The following LONP1 variants were observed in gnomAD, a reference collection of about 807,000 sequenced individuals.
The protein encoded by LONP1 is lon peptidase 1, mitochondrial, also known as lon protease homolog, mitochondrial.
Under a neutral mutation model 98.5 loss-of-function variants are expected in LONP1, and 31 were observed. That is an observed-to-expected ratio of 0.31 (90% CI 0.24 to 0.42). The LOEUF (loss-of-function observed/expected upper bound fraction) is 0.42. LONP1 is among the 20% of genes least tolerant of loss of function. LONP1 has a pLI of 1.00. For missense variants in LONP1, 1,336 were observed against 1,350.6 expected (o/e 0.99, Z 0.17); for synonymous variants, 781 against 594.7 (o/e 1.31, Z -4.56).
At position 5,694,598 on chromosome 19, in the gene LONP1, A is replaced by T. The variant is rs775199360; in HGVS notation, c.2155-46T>A. On this transcript the variant is annotated intron_variant, in intron 14 of 17. Transcript: ENST00000360614. ...AATGGGCACGGGAAGGTGGGGTGAC[A>T]GGTGCGGGGTGGTGGGGTGACGGGC... is the stretch of plus-strand genomic sequence containing the variant. The T allele has an allele frequency of 1.0e-5, 15 of 1,471,242 alleles. No homozygotes were observed. In the East Asian group the frequency reaches 3.5e-4, roughly 35 times the overall value. The allele number at this position is 1,471,242 out of a possible 1,614,324, so 91.1% of individuals were successfully genotyped here.
At chr19:5,712,383 CTCCT>C (rs1383002117) in intron 3 of LONP1, 1 of 207,354 alleles carries the variant, frequency 4.8e-6, no homozygotes, top group Non-Finnish European at 9.7e-6. Flanking sequence ...CTCATAGCAG[CTCCT>C]TCCTGTTGTT....
At chr19:5,719,383 G>A (rs949230548) in intron 1 of LONP1, among the ~76,000 whole-genome samples, 16 of 152,208 alleles carry the variant, frequency 1.1e-4, no homozygotes, top group African/African-American at 3.4e-4. Flanking sequence ...TGCCAAGTAA[G>A]GAGAAAACTA....
chr19:5,712,756 C>T (rs1021011103), intron 3 of LONP1, among the ~76,000 whole-genome samples: 4 of 152,036 alleles, frequency 2.6e-5, no homozygotes, highest in East Asian at 1.9e-4. Flanking sequence ...CAGCCTCTTG[C>T]GTAGCTGTGA....
chr19:5,719,757 G>A lies in LONP1; in HGVS notation c.376C>T (p.Leu126Phe), dbSNP rs1464364973. ...TIPDVFPHLPLIAITRNPVFP... is the reference protein window; with the variant it reads ...TIPDVFPHLPFIAITRNPVFP... ...ACCGGGTTGCGGGTGATGGCGATGA[G>A]CGGCAGGTGCGGAAACACATCGGGG... The change falls in exon 1 of 18, where the codon CTC becomes TTC. Residue 126 changes from leucine to phenylalanine, a missense_variant. Coordinates refer to ENST00000360614, the MANE Select transcript of LONP1 (RefSeq NM_004793.4). The A allele has an allele frequency of 1.2e-6, 2 of 1,613,696 alleles. No homozygotes were observed. Among genetic ancestry groups the A allele is most frequent in the East Asian group, 2.2e-5 (1 of 44,874 alleles).
chr19:5,692,903 T>G (rs2054854872), intron 17 of LONP1, among the ~76,000 whole-genome samples: 1 of 150,718 alleles, frequency 6.6e-6, no homozygotes. Context: ...GAGGGAAGAG[T>G]GGGGACAGTG....
At chr19:5,693,498 G>A (rs2054868854) in intron 16 of LONP1, 36 bp from the exon 17 acceptor site, 3 of 1,611,818 alleles carry the variant, frequency 1.9e-6, no homozygotes, top group Non-Finnish European at 1.7e-6. Flanking sequence ...GTGAGCAGGT[G>A]GCCAGCAGCC....
chr19:5,713,224 T>C lies in LONP1; in HGVS notation c.548A>G (p.Asp183Gly). The change falls in exon 3 of 18, where the codon GAT becomes GGT. Residue 183 changes from aspartate (D) to glycine (G), a missense_variant. Asp to Gly is a moderately conservative substitution (Grantham distance 94). Around this residue, in one of 5 missense-constraint regions of LONP1, gnomAD observed 457 missense variants for 403.1 expected, o/e 1.13. Transcript: ENST00000360614. ...AAACGTCCCCGTGTGGTAGATTTCA[T>C]CCAGGCTCTCGACCACATCCGACTC... ...SNESDVVESL[D>G]EIYHTGTFAQ... 6.2e-7 allele frequency: 1 copy of C among 1,614,144 alleles called. No homozygotes were observed. The highest frequency in any genetic ancestry group is 8.5e-7 in the Non-Finnish European group (1 of 1,180,018).
intron 10 of LONP1, among the ~76,000 whole-genome samples, chr19:5,698,488 C>T (rs2054982572): frequency 6.6e-6 from 1 of 152,196 alleles, no homozygotes; most frequent in Admixed American, 6.5e-5. Flanking sequence ...GGGCGCTGAA[C>T]TCTGAGGGCC....
chr19:5,713,250 A>C lies in LONP1; in HGVS notation c.522T>G (p.Asn174Lys), dbSNP rs1478601611. Residue 174 changes from asparagine (N) to lysine (K), a missense_variant, in exon 3 of 18, where the codon AAT becomes AAG. Around this residue, in one of 5 missense-constraint regions of LONP1, gnomAD observed 457 missense variants for 403.1 expected, o/e 1.13. Transcript: ENST00000360614. Reference sequence around the variant, plus strand: ...CCAGGCTCTCGACCACATCCGACTCATTGCTGTGGGAGAAGAGCACAGAGG... The same window carrying C: ...CCAGGCTCTCGACCACATCCGACTCCTTGCTGTGGGAGAAGAGCACAGAGG... ...VGVFLKRDDS[N>K]ESDVVESLDE... is the part of the protein sequence containing the mutation. 1 of 1,566,122 alleles carries C rather than the reference A, an allele frequency of 6.4e-7. No homozygotes were observed. The highest frequency in any genetic ancestry group is 8.7e-7 in the Non-Finnish European group (1 of 1,150,860).
chr19:5,695,017 CCCTGATGGTGAAACCAGGG>C lies in LONP1; in HGVS notation c.2014-135_2014-117del, dbSNP rs764293318. 1.0e-4 allele frequency: 130 copies of C among 1,260,562 alleles called. 1 individual carries two copies. The highest frequency in any genetic ancestry group is 1.3e-4 in the Non-Finnish European group (120 of 927,310). 78.1% of individuals were successfully genotyped at this position (1,260,562 alleles called of 1,614,324 possible). On this transcript the variant is annotated intron_variant, in intron 13 of 17. Transcript: ENST00000360614. ...CCAGACCCTGGCCTGGGAACGAGGTCCCTGATGGTGAAACCAGGGCCTGGACACCCCGCCCTGCCACCCA... is the reference window on the plus strand; with the variant it reads ...CCAGACCCTGGCCTGGGAACGAGGTCCCTGGACACCCCGCCCTGCCACCCA...
intron 1 of LONP1, among the ~76,000 whole-genome samples, chr19:5,718,636 G>A (rs2055364810): frequency 6.6e-6 from 1 of 152,018 alleles, no homozygotes; most frequent in Non-Finnish European, 1.5e-5. Context: ...CTGACTCACT[G>A]CGTGACCTTG....
At chr19:5,700,314 T>G (rs984319405) in intron 9 of LONP1, among the ~76,000 whole-genome samples, 1 of 152,148 alleles carries the variant, frequency 6.6e-6, no homozygotes, top group Non-Finnish European at 1.5e-5. Context: ...GGTTTCTCCA[T>G]GTTGGTCAGG....
At chr19:5,706,731 T>C (rs2055151872) in intron 7 of LONP1, among the ~76,000 whole-genome samples, 1 of 152,178 alleles carries the variant, frequency 6.6e-6, no homozygotes, top group African/African-American at 2.4e-5. Flanking sequence ...ATCTTCACTT[T>C]TCCCAGGCTG....
In LONP1 at chr19:5,696,234, A is replaced by AGGCCCCG; in HGVS notation, c.1896+14_1896+15insCGGGGCC. The AGGCCCCG allele has an allele frequency of 6.2e-7, 1 of 1,612,600 alleles. No individual in the cohort carries two copies. The highest frequency in any genetic ancestry group is 2.2e-5 in the East Asian group (1 of 44,854). On this transcript the variant is annotated intron_variant, in intron 12 of 17. Coordinates refer to ENST00000360614, the MANE Select transcript of LONP1 (RefSeq NM_004793.4). ...ACCCTCCCCAGCAAGCCCAGGCCCC[A>AGGCCCCG]GACAGGCCCCCCACCTTGGACAAGT...
chr19:5,718,589 G>A (rs1346569958), intron 1 of LONP1, among the ~76,000 whole-genome samples: 1 of 151,982 alleles, frequency 6.6e-6, no homozygotes, highest in Non-Finnish European at 1.5e-5. Flanking sequence ...AGATCCTTGA[G>A]ATTTGTTTAG....
intron 9 of LONP1, among the ~76,000 whole-genome samples, chr19:5,700,563 G>T (rs183716316): frequency 5.2e-4 from 79 of 152,326 alleles, no homozygotes; most frequent in African/African-American, 1.9e-3. Context: ...ACTACAAGCA[G>T]CCCCACCATG....
intron 1 of LONP1, among the ~76,000 whole-genome samples, chr19:5,718,109 G>A: frequency 6.6e-6 from 1 of 152,090 alleles, no homozygotes; most frequent in Non-Finnish European, 1.5e-5. Context: ...CTTGCTGAAG[G>A]TTATGGAGCT....
chr19:5,719,842 C>A lies in LONP1; in HGVS notation c.291G>T (p.Ala97=). Residue 97 remains alanine (A), a synonymous_variant, in exon 1 of 18, where the codon GCG becomes GCT. Transcript: ENST00000360614. Reference sequence around the variant, plus strand: ...CTTCCCCGGCGCCCGCGCTGCCCCCCGCGCCGCCGGCTCCTTCCTCCGCGC... The same window carrying A: ...CTTCCCCGGCGCCCGCGCTGCCCCCAGCGCCGCCGGCTCCTTCCTCCGCGC... ...EGGAEEGAGG[A]GGSAGAGEGP... 6.2e-7 allele frequency: 1 copy of A among 1,607,728 alleles called. No individual in the cohort carries two copies. The highest frequency in any genetic ancestry group is 1.3e-5 in the African/African-American group (1 of 74,742).
rs1254607507 is a variant in LONP1 at position 5,711,936 on chromosome 19, G to A, written c.705C>T (p.Pro235=). The change falls in exon 4 of 18, where the codon CCC becomes CCT. Residue 235 remains proline (P), a synonymous_variant. Coordinates refer to ENST00000360614, the MANE Select transcript of LONP1 (RefSeq NM_004793.4). ...TCTTGCCCCGCTTTGACTTCCTGCG[G>A]GGCTTGTGCTTGTTCTCCGCCTCCG... ...EEPEAENKHK[P]RRKSKRGKKE... 12 of 1,613,194 alleles carry A rather than the reference G, an allele frequency of 7.4e-6. No individual in the cohort carries two copies. The highest frequency in any genetic ancestry group is 9.3e-6 in the Non-Finnish European group (11 of 1,179,792).
Sources: gnomAD v4.1 joint callset for allele counts (sites outside exome capture counted in the v4.1 genomes callset) on GRCh38, gnomAD v4.1.1 for gene constraint, gnomAD v4.1.1 regional missense constraint, MANE v1.5 for transcripts, NCBI Gene and HGNC (gene_info 2026-07-23, HGNC 2026-07-21) for gene names.